TRPM3: variants seen among roughly 807,000 people sequenced by gnomAD.
TRPM3 encodes transient receptor potential cation channel subfamily M member 3.
In TRPM3, 77 loss-of-function variants were observed where a neutral mutation model predicts 181.2. The ratio of observed to expected loss-of-function variants is 0.42; its 90% confidence interval spans 0.35 to 0.51. The LOEUF is 0.51. TRPM3 is among the 20% of genes least tolerant of loss of function. The probability of loss-of-function intolerance (pLI) is 0.01; values close to 1 mark genes in which losing one functional copy is unlikely to be tolerated. For missense variants in TRPM3, 1,759 were observed against 2,196.7 expected, an observed-to-expected ratio of 0.80 and a Z score of 3.98; for synonymous variants, 745 against 796.4, an observed-to-expected ratio of 0.94 and a Z score of 1.09.
At chr9:70,675,680 A>G (rs1206124933) in intron 9 of TRPM3, among the ~76,000 whole-genome samples, 2 of 152,206 alleles carry the variant, frequency 1.3e-5, no homozygotes, top group Non-Finnish European at 2.9e-5. Flanking sequence ...GTCATTTCTA[A>G]GATCAACAGT....
intron 1 of TRPM3, among the ~76,000 whole-genome samples, chr9:70,896,336 T>C (rs1428935432): frequency 6.6e-6 from 1 of 152,160 alleles, no homozygotes; most frequent in Non-Finnish European, 1.5e-5. Flanking sequence ...CAGTATAAAG[T>C]GGTGCTTTAA....
chr9:70,876,527 GAT>G (rs1324210227), intron 1 of TRPM3, among the ~76,000 whole-genome samples: 1 of 151,538 alleles, frequency 6.6e-6, no homozygotes, highest in African/African-American at 2.4e-5. Context: ...GTGAGTTTCT[GAT>G]AGACATTATA....
chr9:71,416,300 A>G (rs2093636529), intron 1 of TRPM3, among the ~76,000 whole-genome samples: 1 of 151,960 alleles, frequency 6.6e-6, no homozygotes, highest in Non-Finnish European at 1.5e-5. Flanking sequence ...CCAATGTTGA[A>G]TGAAATATTT....
intron 1 of TRPM3, among the ~76,000 whole-genome samples, chr9:71,109,487 C>G (rs2070541484): frequency 6.6e-6 from 1 of 152,122 alleles, no homozygotes; most frequent in African/African-American, 2.4e-5. Flanking sequence ...AAACTGCATA[C>G]CAACTATACG....
At chr9:71,082,621 A>G (rs761121341) in intron 1 of TRPM3, among the ~76,000 whole-genome samples, 1 of 152,194 alleles carries the variant, frequency 6.6e-6, no homozygotes, top group Non-Finnish European at 1.5e-5. Flanking sequence ...TACACACTCC[A>G]TAAGATGCAT....
At chr9:71,382,557 A>T (rs1036134473) in intron 1 of TRPM3, among the ~76,000 whole-genome samples, 1 of 152,174 alleles carries the variant, frequency 6.6e-6, no homozygotes, top group African/African-American at 2.4e-5. Flanking sequence ...ATGAAAAGCA[A>T]CTACTAAAAA....
chr9:71,413,831 C>G (rs560460878), intron 1 of TRPM3, among the ~76,000 whole-genome samples: 11 of 151,432 alleles, frequency 7.3e-5, no homozygotes, highest in Non-Finnish European at 7.4e-5. Flanking sequence ...ATTTCCCAGC[C>G]TCCAGGATTA....
chr9:70,650,051 A>C (rs1399626508), intron 9 of TRPM3, among the ~76,000 whole-genome samples: 2 of 152,174 alleles, frequency 1.3e-5, no homozygotes, highest in Non-Finnish European at 2.9e-5. Context: ...GCAAATTAAC[A>C]CAGGAACAGA....
chr9:71,012,807 A>G (rs1380388641), intron 1 of TRPM3, among the ~76,000 whole-genome samples: 1 of 151,948 alleles, frequency 6.6e-6, no homozygotes, highest in Non-Finnish European at 1.5e-5. Flanking sequence ...AGTCTCTAAG[A>G]TTTTTTAGAT....
chr9:70,629,627 G>A (rs796305186), intron 12 of TRPM3, among the ~76,000 whole-genome samples: 6 of 152,178 alleles, frequency 3.9e-5, no homozygotes, highest in African/African-American at 7.2e-5. Context: ...ATGAGCCACC[G>A]CTATAAAACA....
intron 1 of TRPM3, among the ~76,000 whole-genome samples, chr9:71,060,039 G>A (rs1000984563): frequency 3.9e-5 from 6 of 152,182 alleles, no homozygotes; most frequent in Middle Eastern, 6.8e-3. Context: ...ACATTTGAAG[G>A]TCTGAAATGT....
rs1159983006 is a variant in TRPM3, at chr9:70,536,511, G to A, written c.4602C>T (p.Ser1534=). ...AGCTCCTTGAGGGGGAAAACATAAAGCTATGAGATTTCACAATGGGAGCCT... is the reference window on the plus strand; with the variant it reads ...AGCTCCTTGAGGGGGAAAACATAAAACTATGAGATTTCACAATGGGAGCCT... ...LEEAPIVKSH[S]FMFSPSRSYY... Residue 1534 remains serine, a synonymous_variant, in exon 26 of 26, where the codon AGC becomes AGT. Transcript: ENST00000677713. The A allele has an allele frequency of 6.2e-7, 1 of 1,614,160 alleles. No individual in the cohort carries two copies.
At chr9:70,780,578 T>G (rs996668388) in intron 7 of TRPM3, among the ~76,000 whole-genome samples, 16 of 152,174 alleles carry the variant, frequency 1.1e-4, no homozygotes, top group Admixed American at 7.2e-4. Flanking sequence ...AAGATAATGT[T>G]ATTTGGAAAT....
intron 1 of TRPM3, among the ~76,000 whole-genome samples, chr9:70,967,810 C>A (rs950972910): frequency 6.6e-6 from 1 of 152,054 alleles, no homozygotes; most frequent in Admixed American, 6.6e-5. Context: ...TTTACCTTAT[C>A]ATAAAACCTT....
At chr9:70,811,249 C>A in intron 6 of TRPM3, 1 of 1,602,190 alleles carries the variant, frequency 6.2e-7, no homozygotes, top group East Asian at 2.3e-5. Context: ...GGCATCCTGT[C>A]AAAAAATAAA....
intron 1 of TRPM3, among the ~76,000 whole-genome samples, chr9:71,147,410 G>C (rs985399714): frequency 8.7e-6 from 1 of 114,666 alleles, no homozygotes; most frequent in Non-Finnish European, 1.9e-5. Context: ...CTGCCCTCTT[G>C]CCTGCAACAC....
chr9:71,248,348 G>A (rs985266373), intron 1 of TRPM3, among the ~76,000 whole-genome samples: 1 of 152,156 alleles, frequency 6.6e-6, no homozygotes, highest in Non-Finnish European at 1.5e-5. Flanking sequence ...GTATGGTAAG[G>A]TGGTTTCTTC....
chr9:70,575,054 AC>A (rs1281863380), intron 22 of TRPM3, among the ~76,000 whole-genome samples: 1 of 146,412 alleles, frequency 6.8e-6, no homozygotes, highest in African/African-American at 2.5e-5. Flanking sequence ...CTATTCTTCC[AC>A]CTCAACCTCT....
At chr9:71,350,827 G>C (rs992905937) in intron 1 of TRPM3, among the ~76,000 whole-genome samples, 12 of 152,146 alleles carry the variant, frequency 7.9e-5, no homozygotes, top group Non-Finnish European at 1.5e-5. Flanking sequence ...ACAGCAGAAA[G>C]ATGTACCTTC....
Sources: gnomAD v4.1 joint callset for allele counts (sites outside exome capture counted in the v4.1 genomes callset) on GRCh38, gnomAD v4.1.1 for gene constraint, MANE v1.5 for transcripts, NCBI Gene and HGNC (gene_info 2026-07-23, HGNC 2026-07-21) for gene names.